Variants in OTOP2 observed in about 807,000 individuals in gnomAD.
The protein encoded by OTOP2 is proton channel OTOP2.
OTOP2 carries 41 observed loss-of-function variants against 47.4 expected under a neutral mutation model. The ratio of observed to expected loss-of-function variants is 0.87; its 90% CI spans 0.67 to 1.12. The LOEUF (loss-of-function observed/expected upper bound fraction) is 1.12, where lower values mean the gene tolerates loss of function less well. Among genes scored for constraint, OTOP2 ranks in the 50% most tolerant of loss-of-function variants. The pLI is 0.00. For missense variants in OTOP2, 721 were observed against 752.2 expected (o/e 0.96, Z 0.49); for synonymous variants, 328 against 319.6 (o/e 1.03, Z -0.28).
chr17:74,924,537 A>T lies in OTOP2; in HGVS notation c.-33-63A>T. On this transcript the variant is annotated intron_variant, in intron 1 of 6. Transcript: ENST00000331427. The surrounding 1 kb of genome is among the most constrained non-coding windows in gnomAD (Gnocchi z 7.7). ...AACTCCCTAGTCCCCAAGTCTAGGG[A>T]TGAGATGGGGGAAGGAGAGCCGTCA... 7.3e-7 allele frequency: 1 copy of T among 1,367,214 alleles called. No homozygotes were observed. Among genetic ancestry groups the T allele is most frequent in the South Asian group, 1.5e-5 (1 of 66,370 alleles). 84.7% of individuals were successfully genotyped at this position (1,367,214 alleles called of 1,614,324 possible).
intron 5 of OTOP2, among the ~76,000 whole-genome samples, chr17:74,928,345 A>C (rs1468140329): frequency 6.7e-6 from 1 of 148,678 alleles, no homozygotes; most frequent in Admixed American, 6.6e-5. Flanking sequence ...ACCCTGTTTC[A>C]AAAATTAAAA....
Position 74,924,726 on chromosome 17 carries a change from T to G in OTOP2, c.94T>G (p.Ser32Ala). 1.2e-6 allele frequency: 2 copies of G among 1,608,186 alleles called. No homozygotes were observed. Among genetic ancestry groups the G allele is most frequent in the Non-Finnish European group, 1.7e-6 (2 of 1,177,958 alleles). ...EVWKKGGRLL[S>A]VLLAVNVLLL... ...GTGGAAGAAGGGTGGCCGCCTGCTGTCGGTGCTGCTGGCGGTGAACGTGCT... is the reference window on the plus strand; with the variant it reads ...GTGGAAGAAGGGTGGCCGCCTGCTGGCGGTGCTGCTGGCGGTGAACGTGCT... Residue 32 changes from serine (S) to alanine (A), a missense_variant, in exon 2 of 7, where the codon TCG becomes GCG. Transcript: ENST00000331427. The surrounding 1 kb of genome is among the most constrained non-coding windows in gnomAD (Gnocchi z 7.7).
At chr17:74,925,770 G>C (rs2039002079) in intron 3 of OTOP2, 78 bp downstream of exon 3, 3 of 1,587,884 alleles carry the variant, frequency 1.9e-6, no homozygotes, top group Admixed American at 3.4e-5. Flanking sequence ...AGGGGTCGGA[G>C]ACCTGAGCTC....
chr17:74,931,917 T>C lies in OTOP2; in HGVS notation c.1518+764T>C, dbSNP rs150947374. Among the ~76,000 whole-genome samples the C allele has an allele frequency of 4.4e-3, 621 of 140,248 alleles. 3 individuals are homozygous for C. The highest frequency in any genetic ancestry group is 8.1e-3 in the Middle Eastern group (2 of 248). 92.0% of individuals were successfully genotyped at this position (140,248 alleles called of 152,430 possible). On this transcript the variant is annotated intron_variant, in intron 6 of 6. Coordinates refer to ENST00000331427, the MANE Select transcript of OTOP2 (RefSeq NM_178160.3). ...GTTGCAGTGAGCTGAGATTGCACCA[T>C]TGCACTCCAGCCTGTGCAACAGAGT...
At position 74,930,548 on chromosome 17, in the gene OTOP2, G is replaced by A. The variant is rs1156831124; in HGVS notation, c.913G>A (p.Ala305Thr). The A allele has an allele frequency of 6.2e-7, 1 of 1,613,134 alleles. No homozygotes were observed. The highest frequency in any genetic ancestry group is 1.7e-5 in the Admixed American group (1 of 59,996). ...CCTGCTGCTCTTCGTGGTGGGGCTG[G>A]CTGTCTTCATCATCTACGAGGTTCA... is the stretch of plus-strand genomic sequence containing the variant. ...LGLLLFVVGLAVFIIYEVQVS... is the reference protein window; with the variant it reads ...LGLLLFVVGLTVFIIYEVQVS... Residue 305 changes from alanine to threonine, a missense_variant, in exon 6 of 7, where the codon GCT becomes ACT. Coordinates refer to ENST00000331427, the MANE Select transcript of OTOP2 (RefSeq NM_178160.3). The surrounding 1 kb of genome is among the most constrained non-coding windows in gnomAD (Gnocchi z 4.0).
Position 74,930,902 on chromosome 17 carries a change from G to A in OTOP2, c.1267G>A (p.Glu423Lys), listed in dbSNP as rs547987971. ...QHTFQNMFII[E>K]SLHRGPPGAE... ...CACCTTCCAGAACATGTTTATCATC[G>A]AGAGCCTTCACCGAGGACCGCCCGG... Residue 423 changes from glutamate (E) to lysine (K), a missense_variant, in exon 6 of 7, where the codon GAG becomes AAG. Physicochemically the swap from Glu to Lys is moderately conservative, Grantham distance 56 (BLOSUM62 1). Transcript: ENST00000331427. The surrounding 1 kb of genome is among the most constrained non-coding windows in gnomAD (Gnocchi z 4.0). 1.8e-5 allele frequency: 29 copies of A among 1,613,882 alleles called. No homozygotes were observed. The African/African-American group carries it at 2.3e-4, about 13-fold the overall frequency.
At chr17:74,928,352 A>T (rs943907329) in intron 5 of OTOP2, among the ~76,000 whole-genome samples, 3 of 133,320 alleles carry the variant, frequency 2.3e-5, no homozygotes, top group African/African-American at 8.2e-5. Context: ...TTCAAAAATT[A>T]AAAAAAAAGA....
chr17:74,927,150 G>T, intron 3 of OTOP2, 73 bp from the exon 4 acceptor site: 1 of 1,338,836 alleles, frequency 7.5e-7, no homozygotes, highest in Non-Finnish European at 1.1e-6. Flanking sequence ...GAACAAGATG[G>T]CATGGACTTG....
chr17:74,927,073 C>G lies in OTOP2; in HGVS notation c.451-150C>G, dbSNP rs116429477. On this transcript the variant is annotated intron_variant, in intron 3 of 6. Coordinates refer to ENST00000331427, the MANE Select transcript of OTOP2 (RefSeq NM_178160.3). Reference sequence around the variant, plus strand: ...TACAGGCGTGAGCCACTGCACCCAGCCTCCACCTCATTTTGTGAAGCTAAA... The same window carrying G: ...TACAGGCGTGAGCCACTGCACCCAGGCTCCACCTCATTTTGTGAAGCTAAA... 7.4e-4 allele frequency: 578 copies of G among 781,490 alleles called. 1 individual carries two copies. In the African/African-American group the frequency reaches 8.0e-3, roughly 11 times the overall value. 48.4% of individuals were successfully genotyped at this position (781,490 alleles called of 1,614,324 possible). A position where few individuals can be genotyped will look rare whatever the true frequency, so the allele number is the denominator to read the frequency against.
Position 74,924,293 on chromosome 17 carries a change from C to T in OTOP2, c.-74C>T, listed in dbSNP as rs1172896313. The T allele has an allele frequency of 6.0e-6, 2 of 331,600 alleles. No homozygotes were observed. Among genetic ancestry groups the T allele is most frequent in the Non-Finnish European group, 1.1e-5 (2 of 181,174 alleles). 20.5% of individuals were successfully genotyped at this position (331,600 alleles called of 1,614,324 possible). ...GTGGGAGAGAGGAGACGCTCGCCGT[C>T]CCCTGACCCCCAGCTCAGCGCCGGC... On this transcript the variant is annotated 5_prime_UTR_variant, in exon 1 of 7. Transcript: ENST00000331427. The surrounding 1 kb of genome is among the most constrained non-coding windows in gnomAD (Gnocchi z 7.7).
Position 74,930,474 on chromosome 17 carries a change from C to T in OTOP2, c.839C>T (p.Thr280Ile). Residue 280 changes from threonine (T) to isoleucine (I), a missense_variant, in exon 6 of 7, where the codon ACC becomes ATC. Thr to Ile is a moderately conservative substitution (Grantham distance 89). Coordinates refer to ENST00000331427, the MANE Select transcript of OTOP2 (RefSeq NM_178160.3). This position sits in a 1 kb window ranked among gnomAD's most constrained non-coding sequence, Gnocchi z 4.0. ...ASTPGHSHTP[T>I]PVSLFRETFF... ...ACCCCTGGCCACAGCCACACCCCAA[C>T]CCCTGTCAGCCTCTTCCGGGAGACC... 1.2e-6 allele frequency: 2 copies of T among 1,613,934 alleles called. No individual in the cohort carries two copies. The highest frequency in any genetic ancestry group is 1.7e-6 in the Non-Finnish European group (2 of 1,179,782).
In OTOP2 at chr17:74,930,959, C is replaced by T. The variant is rs2039052471; in HGVS notation, c.1324C>T (p.Pro442Ser). Residue 442 changes from proline (P) to serine (S), a missense_variant, in exon 6 of 7, where the codon CCC becomes TCC. Pro to Ser is a moderately conservative substitution (Grantham distance 74). Coordinates refer to ENST00000331427, the MANE Select transcript of OTOP2 (RefSeq NM_178160.3). This position sits in a 1 kb window ranked among gnomAD's most constrained non-coding sequence, Gnocchi z 4.0. The part of the protein sequence containing the change: ...AEPHSTHPKE[P>S]CQDLTFTNLD... ...GCCTCACAGTACCCACCCCAAGGAG[C>T]CCTGCCAAGACCTCACCTTCACCAA... 6.2e-7 allele frequency: 1 copy of T among 1,614,098 alleles called. No individual in the cohort carries two copies. The highest frequency in any genetic ancestry group is 8.5e-7 in the Non-Finnish European group (1 of 1,180,006).
At chr17:74,926,640 G>T (rs1015694105) in intron 3 of OTOP2, among the ~76,000 whole-genome samples, 15 of 151,866 alleles carry the variant, frequency 9.9e-5, no homozygotes, top group Middle Eastern at 3.2e-3. Flanking sequence ...CACGAGCAGG[G>T]TTTTACATGT....
At chr17:74,931,953 CAAAAAAAAAAA>C (rs5822060) in intron 6 of OTOP2, among the ~76,000 whole-genome samples, 1 of 84,070 alleles carries the variant, frequency 1.2e-5, no homozygotes, top group African/African-American at 5.0e-5. Flanking sequence ...GACACTCTGT[CAAAAAAAAAAA>C]AAAAAAAAAA....
intron 5 of OTOP2, among the ~76,000 whole-genome samples, chr17:74,929,188 C>T (rs1367397871): frequency 6.6e-6 from 1 of 152,152 alleles, no homozygotes; most frequent in Non-Finnish European, 1.5e-5. Context: ...CAAGTCAAGA[C>T]TCCTTTCCAT....
intron 5 of OTOP2, among the ~76,000 whole-genome samples, chr17:74,928,858 T>C (rs1189459740): frequency 6.6e-6 from 1 of 152,090 alleles, no homozygotes; most frequent in Non-Finnish European, 1.5e-5. Context: ...ACAGAAAGCA[T>C]GGCCCCTGCC....
chr17:74,924,749 G>T lies in OTOP2; in HGVS notation c.117G>T (p.Val39=). The change falls in exon 2 of 7, where the codon GTG becomes GTT. Residue 39 remains valine, a synonymous_variant. Transcript: ENST00000331427. This position sits in a 1 kb window ranked among gnomAD's most constrained non-coding sequence, Gnocchi z 7.7. ...TGTCGGTGCTGCTGGCGGTGAACGT[G>T]CTGCTCCTCGCCTGCACGCTCATCA... ...RLLSVLLAVN[V]LLLACTLISG... 1 of 1,608,774 alleles carries T rather than the reference G, an allele frequency of 6.2e-7. No homozygotes were observed. Among genetic ancestry groups the T allele is most frequent in the East Asian group, 2.2e-5 (1 of 44,708 alleles).
In OTOP2 at chr17:74,931,010, G is replaced by T. The variant is rs201521524; in HGVS notation, c.1375G>T (p.Ala459Ser). 1 of 1,614,098 alleles carries T rather than the reference G, an allele frequency of 6.2e-7. No homozygotes were observed. The highest frequency in any genetic ancestry group is 2.2e-5 in the East Asian group (1 of 44,874). ...CCTGGATGCCCTCCACACGTTGTCC[G>T]CCTGCCCACCCAACCCCGGGCTGGT... ...TNLDALHTLS[A>S]CPPNPGLVSP... Residue 459 changes from alanine (A) to serine (S), a missense_variant, in exon 6 of 7, where the codon GCC (alanine) becomes TCC (serine). Ala to Ser is a moderately conservative substitution (Grantham distance 99). Transcript: ENST00000331427.
At position 74,930,927 on chromosome 17, in the gene OTOP2, G is replaced by T. The variant is rs1178898173; in HGVS notation, c.1292G>T (p.Gly431Val). 1 of 1,613,862 alleles carries T rather than the reference G, an allele frequency of 6.2e-7. No homozygotes were observed. Among genetic ancestry groups the T allele is most frequent in the Non-Finnish European group, 8.5e-7 (1 of 1,180,004 alleles). ...GAGAGCCTTCACCGAGGACCGCCCG[G>T]GGCTGAGCCTCACAGTACCCACCCC... The part of the protein sequence containing the change: ...IIESLHRGPP[G>V]AEPHSTHPKE... Residue 431 changes from glycine (G) to valine (V), a missense_variant, in exon 6 of 7, where the codon GGG (glycine) becomes GTG (valine). Transcript: ENST00000331427. This position sits in a 1 kb window ranked among gnomAD's most constrained non-coding sequence, Gnocchi z 4.0.
Sources: gnomAD v4.1 joint callset for allele counts (sites outside exome capture counted in the v4.1 genomes callset) on GRCh38, gnomAD v4.1.1 for gene constraint, Gnocchi (gnomAD v3.1) non-coding constraint, MANE v1.5 for transcripts, NCBI Gene and HGNC (gene_info 2026-07-23, HGNC 2026-07-21) for gene names.